The following ALK variants were observed in gnomAD, a reference collection of about 807,000 sequenced individuals.
ALK encodes ALK tyrosine kinase receptor.
Under a neutral mutation model 163.1 loss-of-function variants are expected in ALK, and 74 were observed. That is an observed-to-expected ratio of 0.45 (90% CI 0.38 to 0.55). The LOEUF is 0.55. Ranked by LOEUF, ALK falls within the 20% of genes least tolerant of loss-of-function variation. ALK has a pLI of 0.00. For synonymous variants in ALK, 960 were observed against 843.2 expected (o/e 1.14, Z -2.40); for missense variants, 2,063 against 2,105.3 (o/e 0.98, Z 0.39).
chr2:29,565,945 CAG>C (rs1188212805), intron 3 of ALK, among the ~76,000 whole-genome samples: 1 of 152,190 alleles, frequency 6.6e-6, no homozygotes, highest in Admixed American at 6.5e-5. Flanking sequence ...TATTAGCACT[CAG>C]AGCTTTGTGG....
chr2:29,221,582 A>C (rs1035857371), intron 22 of ALK, among the ~76,000 whole-genome samples: 1 of 152,208 alleles, frequency 6.6e-6, no homozygotes, highest in Non-Finnish European at 1.5e-5. Context: ...TTTATTCATA[A>C]TCAGGAATTA....
intron 5 of ALK, among the ~76,000 whole-genome samples, chr2:29,359,732 C>T (rs1668344853): frequency 6.6e-6 from 1 of 152,224 alleles, no homozygotes; most frequent in Admixed American, 6.5e-5. Context: ...AGGCGGCCAG[C>T]ACCATGCAGC....
intron 4 of ALK, among the ~76,000 whole-genome samples, chr2:29,409,610 C>T (rs1206112262): frequency 6.6e-6 from 1 of 152,172 alleles, no homozygotes; most frequent in African/African-American, 2.4e-5. Context: ...GAGAAGATGC[C>T]ATTGGACCTC....
intron 4 of ALK, among the ~76,000 whole-genome samples, chr2:29,438,869 G>T (rs1416631155): frequency 6.6e-6 from 1 of 152,134 alleles, no homozygotes; most frequent in Non-Finnish European, 1.5e-5. Context: ...TACTGATTTG[G>T]GGAGGAGAGC....
rs764739691 is a variant in ALK, at chr2:29,318,409, G to C, written c.1547-5C>G. On this transcript the variant is annotated splice_region_variant and splice_polypyrimidine_tract_variant and intron_variant, in intron 7 of 28. Coordinates refer to ENST00000389048, the MANE Select transcript of ALK (RefSeq NM_004304.5). ...TACTGAGCAATAGAGCATGGTCTAGGAGAGAGGAAAAGAATCACAAGCACG... is the reference window on the plus strand; with the variant it reads ...TACTGAGCAATAGAGCATGGTCTAGCAGAGAGGAAAAGAATCACAAGCACG... 1 of 1,604,818 alleles carries C rather than the reference G, an allele frequency of 6.2e-7. No homozygotes were observed. Among genetic ancestry groups the C allele is most frequent in the Non-Finnish European group, 8.5e-7 (1 of 1,171,550 alleles).
At chr2:29,390,348 C>T (rs4666212) in intron 4 of ALK, among the ~76,000 whole-genome samples, 84,689 of 151,906 alleles carry the variant, frequency 0.56, 24,440 homozygotes, top group East Asian at 0.94. Context: ...GCCACATAAA[C>T]TAGATAACCA....
At chr2:29,317,293 T>C (rs940872507) in intron 8 of ALK, among the ~76,000 whole-genome samples, 2 of 152,198 alleles carry the variant, frequency 1.3e-5, no homozygotes, top group African/African-American at 4.8e-5. Flanking sequence ...CTCCTGTGAG[T>C]GTCCAGAACG....
intron 3 of ALK, among the ~76,000 whole-genome samples, chr2:29,551,306 A>G (rs1430865025): frequency 6.6e-6 from 1 of 152,164 alleles, no homozygotes; most frequent in Admixed American, 6.5e-5. Flanking sequence ...AAAGTACTTC[A>G]TGGAGTCATT....
At chr2:29,247,256 C>A (rs966591563) in intron 12 of ALK, among the ~76,000 whole-genome samples, 2 of 152,250 alleles carry the variant, frequency 1.3e-5, no homozygotes, top group African/African-American at 4.8e-5. Flanking sequence ...CACACCACCA[C>A]CACCACTGGC....
intron 5 of ALK, among the ~76,000 whole-genome samples, chr2:29,330,337 C>T (rs767675885): frequency 4.6e-5 from 7 of 152,274 alleles, no homozygotes; most frequent in Admixed American, 2.0e-4. Context: ...GAAATCCTGC[C>T]GTCCGTCCAG....
intron 4 of ALK, among the ~76,000 whole-genome samples, chr2:29,446,542 C>A (rs1177984579): frequency 6.6e-6 from 1 of 152,142 alleles, no homozygotes; most frequent in Middle Eastern, 3.2e-3. Flanking sequence ...GTCTATTGAC[C>A]CCTGGATACA....
At chr2:29,230,571 C>T (rs754863427) in intron 15 of ALK, among the ~76,000 whole-genome samples, 7 of 152,090 alleles carry the variant, frequency 4.6e-5, no homozygotes, top group Non-Finnish European at 1.0e-4. Context: ...GGATGACTGT[C>T]TTGCTAGAAA....
intron 3 of ALK, among the ~76,000 whole-genome samples, chr2:29,636,169 T>C (rs1676521064): frequency 6.6e-6 from 1 of 152,072 alleles, no homozygotes; most frequent in African/African-American, 2.4e-5. Context: ...GGGAGGAATA[T>C]ACACATAGAT....
At position 29,270,045 on chromosome 2, in the gene ALK, C is replaced by T. The variant is rs868364452; in HGVS notation, c.2041+5054G>A. ...CTATTCAGTAATGAAAGAGAGATCC[C>T]TCTTGAAGACCTATTCAGTAATGAA... On this transcript the variant is annotated intron_variant, in intron 11 of 28. Transcript: ENST00000389048. Among the ~76,000 whole-genome samples the T allele has an allele frequency of 3.9e-5, 6 of 152,310 alleles. No individual in the cohort carries two copies. In the Middle Eastern group the frequency reaches 0.01, roughly 259 times the overall value.
intron 1 of ALK, among the ~76,000 whole-genome samples, chr2:29,747,548 C>A (rs1422935386): frequency 6.6e-6 from 1 of 152,206 alleles, no homozygotes; most frequent in Non-Finnish European, 1.5e-5. Flanking sequence ...CCCACCCCAT[C>A]CTGGGAGACA....
chr2:29,921,193 G>A lies in ALK; in HGVS notation c.-534C>T, dbSNP rs1001014591. The A allele has an allele frequency of 8.5e-6, 2 of 234,758 alleles. No individual in the cohort carries two copies. The highest frequency in any genetic ancestry group is 1.7e-5 in the Non-Finnish European group (2 of 119,190). 14.5% of individuals were successfully genotyped at this position (234,758 alleles called of 1,614,324 possible). A position where few individuals can be genotyped will look rare whatever the true frequency, so the allele number is the denominator to read the frequency against. On this transcript the variant is annotated 5_prime_UTR_variant, in exon 1 of 29. Coordinates refer to ENST00000389048, the MANE Select transcript of ALK (RefSeq NM_004304.5). ...CAAGCTCTTCTGCCCGGTCTGGGCG[G>A]GAACCGAGGGCGGAGGCTGCCGTCT...
chr2:29,520,218 C>G (rs979472844), intron 4 of ALK, among the ~76,000 whole-genome samples: 1 of 152,106 alleles, frequency 6.6e-6, no homozygotes, highest in African/African-American at 2.4e-5. Flanking sequence ...TGGAGATAAC[C>G]CAGGCTGAAG....
intron 8 of ALK, among the ~76,000 whole-genome samples, chr2:29,305,365 G>A (rs908466411): frequency 2.0e-5 from 3 of 152,190 alleles, no homozygotes; most frequent in Non-Finnish European, 4.4e-5. Flanking sequence ...TACGGGGCTA[G>A]AACTACCCTC....
chr2:29,207,986 T>C (rs1669359084), intron 25 of ALK: 16 of 436,246 alleles, frequency 3.7e-5, no homozygotes, highest in South Asian at 2.5e-4. Flanking sequence ...CTGCCAGCTG[T>C]CGACATTAAT....
Sources: gnomAD v4.1 joint callset for allele counts (sites outside exome capture counted in the v4.1 genomes callset) on GRCh38, gnomAD v4.1.1 for gene constraint, MANE v1.5 for transcripts, NCBI Gene and HGNC (gene_info 2026-07-23, HGNC 2026-07-21) for gene names.